Variants in FILIP1 observed in about 807,000 individuals in gnomAD.
FILIP1 encodes the protein filamin-A-interacting protein 1.
In FILIP1, 61 loss-of-function variants were observed where a neutral mutation model predicts 102.1. The observed-to-expected ratio is 0.60, with a 90% CI of 0.49 to 0.74. The LOEUF (loss-of-function observed/expected upper bound fraction) is 0.74, where lower values mean the gene tolerates loss of function less well. Among genes scored for constraint, FILIP1 ranks in the 30% least tolerant of loss-of-function variants. The pLI, the probability that FILIP1 is intolerant of heterozygous loss-of-function variation, is 0.00. For missense variants in FILIP1, 1,314 were observed against 1,441.2 expected, an observed-to-expected ratio of 0.91 and a Z score of 1.43; for synonymous variants, 491 against 526.9, an observed-to-expected ratio of 0.93 and a Z score of 0.93.
chr6:75,441,727 T>G (rs1360285888), intron 1 of FILIP1, among the ~76,000 whole-genome samples: 4 of 122,090 alleles, frequency 3.3e-5, no homozygotes, highest in African/African-American at 1.3e-4. Flanking sequence ...CCCACCTCCC[T>G]CCCGGACGGG....
intron 1 of FILIP1, among the ~76,000 whole-genome samples, chr6:75,478,231 G>A (rs775104126): frequency 7.9e-5 from 12 of 152,068 alleles, no homozygotes; most frequent in East Asian, 1.9e-4. Flanking sequence ...AGCTTTACTC[G>A]GGGTAATGTT....
intron 4 of FILIP1, among the ~76,000 whole-genome samples, chr6:75,338,530 G>A (rs569252018): frequency 5.9e-5 from 9 of 152,208 alleles, no homozygotes; most frequent in East Asian, 3.9e-4. Flanking sequence ...ATGCTAATCC[G>A]ACTACCTTCT....
chr6:75,451,115 C>G (rs1329614076), intron 1 of FILIP1, among the ~76,000 whole-genome samples: 1 of 151,716 alleles, frequency 6.6e-6, no homozygotes, highest in African/African-American at 2.4e-5. Flanking sequence ...AAAAAGCAAG[C>G]CATTGACTTG....
rs114317787 is a variant in FILIP1, at chr6:75,327,706, C to T, written c.630-12504G>A. 7.1e-3 allele frequency among the ~76,000 whole-genome samples: 1,078 copies of T among 151,724 alleles called. 9 individuals are homozygous for T. The highest frequency in any genetic ancestry group is 0.021 in the Middle Eastern group (6 of 292). On this transcript the variant is annotated intron_variant, in intron 4 of 5. Transcript: ENST00000237172. The stretch of plus-strand genomic sequence containing the variant: ...CATTAAGAGATATATATTAACGTTT[C>T]TTCTTAATTTAAAACTTTGTTTTTC...
At chr6:75,324,657 C>G (rs931825824) in intron 4 of FILIP1, among the ~76,000 whole-genome samples, 1 of 152,126 alleles carries the variant, frequency 6.6e-6, no homozygotes, top group African/African-American at 2.4e-5. Context: ...AAAAACAAAT[C>G]TAGAGGCATC....
At chr6:75,317,573 C>T (rs1447586216) in intron 4 of FILIP1, among the ~76,000 whole-genome samples, 4 of 152,178 alleles carry the variant, frequency 2.6e-5, no homozygotes, top group African/African-American at 9.7e-5. Context: ...ACTAATGTTT[C>T]AGCCAGAGAA....
intron 2 of FILIP1, chr6:75,385,999 A>G (rs1776083004): frequency 6.6e-6 from 1 of 152,202 alleles, no homozygotes; most frequent in Non-Finnish European, 1.5e-5. Flanking sequence ...GCCAAGATTT[A>G]TATTAATAGC....
intron 2 of FILIP1, among the ~76,000 whole-genome samples, chr6:75,401,091 A>G (rs757401234): frequency 4.6e-5 from 7 of 152,196 alleles, no homozygotes; most frequent in Non-Finnish European, 8.8e-5. Context: ...CCTGCCATCT[A>G]TCCACAAACT....
intron 1 of FILIP1, among the ~76,000 whole-genome samples, chr6:75,461,884 G>A (rs1366903518): frequency 2.6e-5 from 4 of 152,090 alleles, no homozygotes; most frequent in Non-Finnish European, 1.5e-5. Flanking sequence ...GCTCAGAGGG[G>A]GCAATAGGAA....
intron 2 of FILIP1, among the ~76,000 whole-genome samples, chr6:75,400,201 G>A (rs1776604218): frequency 6.6e-6 from 1 of 152,104 alleles, no homozygotes; most frequent in Non-Finnish European, 1.5e-5. Flanking sequence ...CTATGCTGAA[G>A]GTTCCACCAA....
chr6:75,400,764 C>T (rs2149671120), intron 2 of FILIP1, among the ~76,000 whole-genome samples: 1 of 151,990 alleles, frequency 6.6e-6, no homozygotes, highest in Non-Finnish European at 1.5e-5. Flanking sequence ...TATGGGAAGG[C>T]AGTAGGATCA....
At chr6:75,361,482 CAAAT>C (rs919694902) in intron 3 of FILIP1, among the ~76,000 whole-genome samples, 1 of 152,178 alleles carries the variant, frequency 6.6e-6, no homozygotes, top group Non-Finnish European at 1.5e-5. Flanking sequence ...TCATATTAAA[CAAAT>C]ACATGTTTTT....
chr6:75,400,594 T>C (rs1776623358), intron 2 of FILIP1, among the ~76,000 whole-genome samples: 1 of 152,074 alleles, frequency 6.6e-6, no homozygotes, highest in African/African-American at 2.4e-5. Flanking sequence ...CCCTAGAGGG[T>C]AGGGACCTTT....
intron 1 of FILIP1, among the ~76,000 whole-genome samples, chr6:75,455,983 C>T (rs1168646069): frequency 3.9e-5 from 6 of 152,276 alleles, no homozygotes; most frequent in Admixed American, 2.6e-4. Flanking sequence ...TATACCTTGA[C>T]GTCTTTATTT....
At chr6:75,351,314 C>T (rs1160423674) in intron 4 of FILIP1, among the ~76,000 whole-genome samples, 3 of 152,164 alleles carry the variant, frequency 2.0e-5, no homozygotes, top group East Asian at 1.9e-4. Context: ...CTGTCTGCCT[C>T]GGCCTCCCAA....
intron 1 of FILIP1, among the ~76,000 whole-genome samples, chr6:75,457,978 C>A (rs1221078338): frequency 6.6e-6 from 1 of 152,138 alleles, no homozygotes; most frequent in Non-Finnish European, 1.5e-5. Context: ...CACCACCTCA[C>A]CCACCCCACC....
chr6:75,474,184 C>T (rs538430645), intron 1 of FILIP1, among the ~76,000 whole-genome samples: 103 of 152,186 alleles, frequency 6.8e-4, no homozygotes, highest in Non-Finnish European at 1.2e-3. Context: ...AAGATACTTT[C>T]TGTAATGCAT....
exon 7 of FILIP1, chr6:75,294,970 G>A (rs1289073842): frequency 6.8e-6 from 1 of 147,754 alleles, no homozygotes; most frequent in Non-Finnish European, 1.5e-5. Context: ...CTCCCAAAGT[G>A]CTGGGATTAC....
At chr6:75,471,374 C>T (rs928970139) in intron 1 of FILIP1, among the ~76,000 whole-genome samples, 46 of 151,894 alleles carry the variant, frequency 3.0e-4, no homozygotes, top group Admixed American at 3.0e-3. Context: ...ATAGTATAAA[C>T]TGGTAACTCA....
Sources: allele counts gnomAD v4.1 joint callset (sites outside exome capture counted in the v4.1 genomes callset), GRCh38; gene constraint gnomAD v4.1.1; transcripts MANE v1.5; gene names NCBI Gene and HGNC (gene_info 2026-07-23, HGNC 2026-07-21).